The following PI4K2B variants were observed in gnomAD, a reference collection of about 807,000 sequenced individuals.
PI4K2B encodes phosphatidylinositol 4-kinase type 2 beta, also known as phosphatidylinositol 4-kinase type 2-beta.
A neutral mutation model predicts 56.6 loss-of-function variants in PI4K2B; 46 were observed. That is an observed-to-expected ratio of 0.81 (90% CI 0.64 to 1.04). PI4K2B has a LOEUF of 1.04. Among genes scored for constraint, PI4K2B ranks in the 50% least tolerant of loss-of-function variants. PI4K2B has a pLI of 0.00. For missense variants in PI4K2B, 556 were observed against 607.7 expected (o/e 0.91, Z 0.89); for synonymous variants, 211 against 223.8 (o/e 0.94, Z 0.51).
intron 4 of PI4K2B, among the ~76,000 whole-genome samples, chr4:25,257,537 T>C (rs1216499295): frequency 2.6e-5 from 4 of 152,198 alleles, no homozygotes; most frequent in Non-Finnish European, 4.4e-5. Context: ...TTTTTTCTTA[T>C]CACCTTTAAG....
chr4:25,275,218 C>G lies in PI4K2B; in HGVS notation c.1273-1796C>G, dbSNP rs574280150. Among the ~76,000 whole-genome samples, 11 of 152,324 alleles carry G rather than the reference C, an allele frequency of 7.2e-5. No individual in the cohort carries two copies. In the South Asian group the frequency reaches 8.3e-4, roughly 11 times the overall value. ...AGGCTAACATTTTTAGAATAGAATT[C>G]TTAAAACCCAAAGAGGAAACTAACC... On this transcript the variant is annotated intron_variant, in intron 9 of 9. Transcript: ENST00000264864.
At chr4:25,244,581 G>A (rs982206961) in intron 1 of PI4K2B, among the ~76,000 whole-genome samples, 12 of 152,214 alleles carry the variant, frequency 7.9e-5, no homozygotes, top group South Asian at 2.1e-4. Context: ...AAAATGAGCC[G>A]CCTCTTTTTC....
At chr4:25,245,663 C>T (rs923252599) in intron 1 of PI4K2B, among the ~76,000 whole-genome samples, 2 of 152,094 alleles carry the variant, frequency 1.3e-5, no homozygotes, top group African/African-American at 2.4e-5. Context: ...CCGACAGGTG[C>T]CCGGTATTTA....
chr4:25,247,575 A>G (rs529302794), intron 1 of PI4K2B, among the ~76,000 whole-genome samples: 1 of 152,368 alleles, frequency 6.6e-6, no homozygotes, highest in East Asian at 1.9e-4. Context: ...GCATTGAGGC[A>G]TGGAGCCATG....
At chr4:25,236,129 CT>C (rs1175928481) in intron 1 of PI4K2B, among the ~76,000 whole-genome samples, 3 of 151,802 alleles carry the variant, frequency 2.0e-5, no homozygotes, top group African/African-American at 7.3e-5. Context: ...TTGCTAAGAT[CT>C]TTTTTAAAAA....
At chr4:25,251,600 A>G (rs769804812) in intron 1 of PI4K2B, among the ~76,000 whole-genome samples, 1 of 152,132 alleles carries the variant, frequency 6.6e-6, no homozygotes, top group Non-Finnish European at 1.5e-5. Context: ...TTGGACTCGG[A>G]GTGCCAGAGG....
rs560302509 is a variant in PI4K2B, at chr4:25,264,905, A to T, written c.1078+1056A>T. 3.3e-5 allele frequency among the ~76,000 whole-genome samples: 5 copies of T among 151,966 alleles called. 1 individual carries two copies. The East Asian group carries it at 7.8e-4, about 24-fold the overall frequency. ...AAAATAAAAAATATATAGTATGTTT[A>T]AAAAATCTGGCTGGGTGCAGTGGCT... On this transcript the variant is annotated intron_variant, in intron 7 of 9. Coordinates refer to ENST00000264864, the MANE Select transcript of PI4K2B (RefSeq NM_018323.4).
At chr4:25,246,721 C>T (rs986787585) in intron 1 of PI4K2B, among the ~76,000 whole-genome samples, 66 of 152,312 alleles carry the variant, frequency 4.3e-4, no homozygotes, top group South Asian at 8.3e-4. Flanking sequence ...CCCACGGCGG[C>T]GGGGGGAGGC....
intron 1 of PI4K2B, among the ~76,000 whole-genome samples, chr4:25,241,827 G>A (rs913140772): frequency 4.6e-5 from 7 of 152,160 alleles, no homozygotes; most frequent in African/African-American, 7.2e-5. Flanking sequence ...CCTCTGTGAC[G>A]TATAAAGAGA....
At position 25,259,041 on chromosome 4, in the gene PI4K2B, G is replaced by T. The variant is rs753549688; in HGVS notation, c.761G>T (p.Gly254Val). The T allele has an allele frequency of 6.6e-7, 1 of 1,523,896 alleles. No individual in the cohort carries two copies. 94.4% of individuals were successfully genotyped at this position (1,523,896 alleles called of 1,614,324 possible). Residue 254 changes from glycine to valine, a missense_variant, in exon 5 of 10, where the codon GGT becomes GTT. Gly to Val is a moderately radical substitution (Grantham distance 109). Transcript: ENST00000264864. The stretch of plus-strand genomic sequence containing the variant: ...CTATAGTTCTTAAAATTATAGATTG[G>T]TTCCTTTCAGTTATTTGTTGAAGGT... ...FHRIGLPPKI[G>V]SFQLFVEGYK...
Position 25,278,038 on chromosome 4 carries a change from C to G in PI4K2B, c.*851C>G, listed in dbSNP as rs111270005. The G allele has an allele frequency of 1.3e-5, 2 of 152,164 alleles. No homozygotes were observed. Among genetic ancestry groups the G allele is most frequent in the African/African-American group, 4.8e-5 (2 of 41,536 alleles). 9.4% of individuals were successfully genotyped at this position (152,164 alleles called of 1,614,324 possible). A position where few individuals can be genotyped will look rare whatever the true frequency, so the allele number is the denominator to read the frequency against. ...TATTAAACTTCACTAAAAAGTAAAC[C>G]ATACTCCAAATTGTATATTGGATTG... On this transcript the variant is annotated 3_prime_UTR_variant, in exon 10 of 10. Coordinates refer to ENST00000264864, the MANE Select transcript of PI4K2B (RefSeq NM_018323.4).
chr4:25,272,371 G>C (rs1332652758), intron 9 of PI4K2B, among the ~76,000 whole-genome samples: 1 of 152,126 alleles, frequency 6.6e-6, no homozygotes, highest in Admixed American at 6.5e-5. Flanking sequence ...GTTATTATAC[G>C]TTGTCACTTG....
chr4:25,254,988 A>G, intron 2 of PI4K2B, 77 bp from the exon 3 acceptor site: 1 of 959,640 alleles, frequency 1.0e-6, no homozygotes, highest in Non-Finnish European at 1.6e-6. Context: ...GTAGAGAACA[A>G]TTTATTAGAA....
At chr4:25,275,196 C>A (rs182315336) in intron 9 of PI4K2B, among the ~76,000 whole-genome samples, 1 of 152,310 alleles carries the variant, frequency 6.6e-6, no homozygotes, top group Non-Finnish European at 1.5e-5. Flanking sequence ...TATATTTAGG[C>A]TAACATTTTT....
Position 25,278,579 on chromosome 4 carries a change from G to T in PI4K2B, c.*1392G>T, listed in dbSNP as rs1169600431. 3 of 152,562 alleles carry T rather than the reference G, an allele frequency of 2.0e-5. No homozygotes were observed. Among genetic ancestry groups the T allele is most frequent in the Admixed American group, 2.0e-4 (3 of 15,260 alleles). 9.5% of individuals were successfully genotyped at this position (152,562 alleles called of 1,614,324 possible). A position where few individuals can be genotyped will look rare whatever the true frequency, so the allele number is the denominator to read the frequency against. ...GGACGAGATGAATGAGGATTCTGCT[G>T]CCCTGAGGGAGTTCATTGGAAACCT... On this transcript the variant is annotated 3_prime_UTR_variant, in exon 10 of 10. Coordinates refer to ENST00000264864, the MANE Select transcript of PI4K2B (RefSeq NM_018323.4).
intron 1 of PI4K2B, among the ~76,000 whole-genome samples, chr4:25,244,580 C>T (rs189474533): frequency 8.7e-4 from 133 of 152,204 alleles, no homozygotes; most frequent in African/African-American, 2.6e-3. Context: ...AAAAATGAGC[C>T]GCCTCTTTTT....
intron 1 of PI4K2B, among the ~76,000 whole-genome samples, chr4:25,246,114 G>C (rs1030088490): frequency 1.3e-5 from 2 of 152,114 alleles, no homozygotes; most frequent in African/African-American, 4.8e-5. Flanking sequence ...CCTTCGCGGT[G>C]AGTGTTACAG....
chr4:25,275,056 G>A (rs1285055694), intron 9 of PI4K2B, among the ~76,000 whole-genome samples: 1 of 151,804 alleles, frequency 6.6e-6, no homozygotes, highest in Non-Finnish European at 1.5e-5. Flanking sequence ...CACCCGCCTT[G>A]GCCTCCCAAA....
chr4:25,265,238 G>A (rs888248487), intron 7 of PI4K2B, among the ~76,000 whole-genome samples: 2 of 134,906 alleles, frequency 1.5e-5, no homozygotes, highest in Non-Finnish European at 3.1e-5. Flanking sequence ...TCCATGATAT[G>A]TCTCTTTTAA....
Sources: gnomAD v4.1 joint callset for allele counts (sites outside exome capture counted in the v4.1 genomes callset) on GRCh38, gnomAD v4.1.1 for gene constraint, MANE v1.5 for transcripts, NCBI Gene and HGNC (gene_info 2026-07-23, HGNC 2026-07-21) for gene names.